The following CCBE1 variants were observed in gnomAD, a reference collection of about 807,000 sequenced individuals.
CCBE1 encodes the protein collagen and calcium binding EGF domains 1.
In CCBE1, 37 loss-of-function variants were observed where a neutral mutation model predicts 50.0. The observed-to-expected ratio is 0.74, with a 90% confidence interval of 0.57 to 0.97. The LOEUF is 0.97. Ranked by LOEUF, CCBE1 falls within the 50% of genes least tolerant of loss-of-function variation. The pLI is 0.00. For synonymous variants in CCBE1, 234 were observed against 203.7 expected, an observed-to-expected ratio of 1.15 and a Z score of -1.27; for missense variants, 538 against 523.8, an observed-to-expected ratio of 1.03 and a Z score of -0.26.
In CCBE1 at chr18:59,452,305, C is replaced by T. The variant is rs190508637; in HGVS notation, c.654+2546G>A. On this transcript the variant is annotated intron_variant, in intron 6 of 10. Coordinates refer to ENST00000439986, the MANE Select transcript of CCBE1 (RefSeq NM_133459.4). Reference sequence around the variant, plus strand: ...GCAGCAAGACGACATTAAAAAACAACTGACAGGCCAGGCACAGTGGCTCAT... The same window carrying T: ...GCAGCAAGACGACATTAAAAAACAATTGACAGGCCAGGCACAGTGGCTCAT... Among the ~76,000 whole-genome samples, 487 of 152,254 alleles carry T rather than the reference C, an allele frequency of 3.2e-3. 2 individuals carry two copies. The highest frequency in any genetic ancestry group is 0.011 in the African/African-American group (457 of 41,554).
intron 2 of CCBE1, among the ~76,000 whole-genome samples, chr18:59,589,524 G>A (rs899680081): frequency 3.9e-5 from 6 of 152,030 alleles, no homozygotes; most frequent in Admixed American, 2.0e-4. Context: ...GGCCAGGCAC[G>A]GTGGCTCACA....
At chr18:59,447,833 C>T in intron 7 of CCBE1, 150 bp downstream of exon 7, 9 of 1,157,260 alleles carry the variant, frequency 7.8e-6, no homozygotes, top group Non-Finnish European at 1.1e-5. Context: ...CAGGCTCTCT[C>T]ATTGCATGGG....
At chr18:59,609,743 G>C (rs374719762) in intron 2 of CCBE1, among the ~76,000 whole-genome samples, 1 of 152,082 alleles carries the variant, frequency 6.6e-6, no homozygotes, top group Non-Finnish European at 1.5e-5. Context: ...TTCTATAGAG[G>C]GTCTATTCCT....
chr18:59,489,151 T>C (rs1180515485), intron 2 of CCBE1, among the ~76,000 whole-genome samples: 1 of 152,256 alleles, frequency 6.6e-6, no homozygotes, highest in Non-Finnish European at 1.5e-5. Context: ...GATATCCATC[T>C]CAATGATTAA....
rs532842023 is a variant in CCBE1, at chr18:59,642,771, A to C, written c.212+53858T>G. 4.3e-4 allele frequency among the ~76,000 whole-genome samples: 65 copies of C among 152,110 alleles called. 2 individuals carry two copies. The South Asian group carries it at 0.013, about 31-fold the overall frequency. On this transcript the variant is annotated intron_variant, in intron 2 of 10. Coordinates refer to ENST00000439986, the MANE Select transcript of CCBE1 (RefSeq NM_133459.4). Reference sequence around the variant, plus strand: ...GAGAGCAGCCTGGCCAACGTGGTGAAACCCCATCTCTACTAAAAATACAAA... The same window carrying C: ...GAGAGCAGCCTGGCCAACGTGGTGACACCCCATCTCTACTAAAAATACAAA...
At chr18:59,466,087 T>A (rs938794507) in intron 5 of CCBE1, among the ~76,000 whole-genome samples, 1 of 152,098 alleles carries the variant, frequency 6.6e-6, no homozygotes, top group Non-Finnish European at 1.5e-5. Flanking sequence ...CTGATTGTGC[T>A]CTTAATATAT....
At chr18:59,676,572 T>C (rs2054506270) in intron 2 of CCBE1, among the ~76,000 whole-genome samples, 1 of 152,264 alleles carries the variant, frequency 6.6e-6, no homozygotes. Flanking sequence ...CAGTAATATG[T>C]ATTCATTCTT....
chr18:59,486,602 C>G (rs1435158490), intron 2 of CCBE1, among the ~76,000 whole-genome samples: 1 of 152,172 alleles, frequency 6.6e-6, no homozygotes, highest in Non-Finnish European at 1.5e-5. Flanking sequence ...AACTTCATAC[C>G]TGGGAGGCTC....
chr18:59,587,293 A>G (rs557199530), intron 2 of CCBE1, among the ~76,000 whole-genome samples: 6 of 152,342 alleles, frequency 3.9e-5, no homozygotes, highest in South Asian at 4.1e-4. Context: ...CAAAGAATAT[A>G]TTGTGGTCAG....
intron 2 of CCBE1, among the ~76,000 whole-genome samples, chr18:59,628,656 C>T (rs2053816555): frequency 6.6e-6 from 1 of 152,124 alleles, no homozygotes; most frequent in African/African-American, 2.4e-5. Flanking sequence ...CTAATCTAAC[C>T]TGAGACAATC....
At chr18:59,616,425 G>T (rs1336841870) in intron 2 of CCBE1, among the ~76,000 whole-genome samples, 1 of 152,150 alleles carries the variant, frequency 6.6e-6, no homozygotes, top group Admixed American at 6.5e-5. Context: ...TTAAAAAGTT[G>T]GATCAGCTTC....
At chr18:59,672,625 C>T (rs1478892787) in intron 2 of CCBE1, among the ~76,000 whole-genome samples, 1 of 152,208 alleles carries the variant, frequency 6.6e-6, no homozygotes, top group African/African-American at 2.4e-5. Flanking sequence ...CCAGCTGAAC[C>T]ACTGCAGCCT....
At position 59,432,595 on chromosome 18, in the gene CCBE1, A is replaced by C. The variant is rs569748183; in HGVS notation, c.*3313T>G. 2 of 152,228 alleles carry C rather than the reference A, an allele frequency of 1.3e-5. No homozygotes were observed. Among genetic ancestry groups the C allele is most frequent in the Non-Finnish European group, 2.9e-5 (2 of 68,026 alleles). 9.4% of individuals were successfully genotyped at this position (152,228 alleles called of 1,614,324 possible). A position where few individuals can be genotyped will look rare whatever the true frequency, so the allele number is the denominator to read the frequency against. On this transcript the variant is annotated 3_prime_UTR_variant, in exon 11 of 11. Transcript: ENST00000439986. ...AATATGATTTGGGCATAAAAAGTAC[A>C]TATCAGTCTTGCAGTAGTCCAAGTT... is the stretch of plus-strand genomic sequence containing the variant.
chr18:59,625,448 A>T (rs953351519), intron 2 of CCBE1, among the ~76,000 whole-genome samples: 2 of 151,884 alleles, frequency 1.3e-5, no homozygotes, highest in South Asian at 2.1e-4. Flanking sequence ...AAAAAAAAAA[A>T]AAAAAATTGT....
At chr18:59,621,084 G>A (rs2053704473) in intron 2 of CCBE1, among the ~76,000 whole-genome samples, 1 of 152,176 alleles carries the variant, frequency 6.6e-6, no homozygotes, top group African/African-American at 2.4e-5. Flanking sequence ...GGCTCTGAAA[G>A]ACCACACCTC....
intron 2 of CCBE1, among the ~76,000 whole-genome samples, chr18:59,692,787 T>C (rs2054749596): frequency 6.6e-6 from 1 of 152,108 alleles, no homozygotes; most frequent in Middle Eastern, 3.2e-3. Flanking sequence ...CACTGCCTCA[T>C]GAGACAGCAC....
At chr18:59,439,180 G>A (rs549241312) in intron 9 of CCBE1, among the ~76,000 whole-genome samples, 1 of 152,328 alleles carries the variant, frequency 6.6e-6, no homozygotes, top group African/African-American at 2.4e-5. Context: ...CCAGCTACTC[G>A]GGAGGCTGAG....
At chr18:59,476,922 T>G (rs1257385114) in intron 3 of CCBE1, among the ~76,000 whole-genome samples, 1 of 152,058 alleles carries the variant, frequency 6.6e-6, no homozygotes, top group Non-Finnish European at 1.5e-5. Flanking sequence ...GAAGTGGGAG[T>G]GGCACCACTC....
intron 2 of CCBE1, among the ~76,000 whole-genome samples, chr18:59,588,516 G>A (rs1281120687): frequency 6.6e-6 from 1 of 152,130 alleles, no homozygotes. Flanking sequence ...AGCTTTGCTT[G>A]ATTTTGATCC....
Sources: allele counts gnomAD v4.1 joint callset (sites outside exome capture counted in the v4.1 genomes callset), GRCh38; gene constraint gnomAD v4.1.1; transcripts MANE v1.5; gene names NCBI Gene and HGNC (gene_info 2026-07-23, HGNC 2026-07-21).